SUMF1: variants seen among roughly 807,000 people sequenced by gnomAD.
SUMF1 encodes the protein sulfatase modifying factor 1.
A neutral mutation model predicts 47.6 loss-of-function variants in SUMF1; 48 were observed. That is an observed-to-expected ratio of 1.01 (90% CI 0.80 to 1.28). The LOEUF (loss-of-function observed/expected upper bound fraction) is 1.28, where lower values mean the gene tolerates loss of function less well. SUMF1 is among the 50% of genes most tolerant of loss of function. The pLI is 0.00. For synonymous variants in SUMF1, 230 were observed against 192.1 expected (o/e 1.20, Z -1.63); for missense variants, 571 against 485.4 (o/e 1.18, Z -1.66).
intron 1 of SUMF1, among the ~76,000 whole-genome samples, chr3:4,456,805 T>TATATATAC (rs2079639553): frequency 6.9e-6 from 1 of 145,138 alleles, no homozygotes; most frequent in Non-Finnish European, 1.5e-5. Context: ...TATACGTGTA[T>TATATATAC]ATATATACGT....
Position 4,095,077 on chromosome 3 carries a change from T to C in SUMF1, c.1015-26332A>G, listed in dbSNP as rs895633366. 3.3e-5 allele frequency among the ~76,000 whole-genome samples: 5 copies of C among 152,122 alleles called. 1 individual carries two copies. Among genetic ancestry groups the C allele is most frequent in the East Asian group, 3.8e-4 (2 of 5,202 alleles). Reference sequence around the variant, plus strand: ...GCATTTCTAAATAGAAATAGGATAATTGCTGTGTCACCTACAGTGTAATAT... The same window carrying C: ...GCATTTCTAAATAGAAATAGGATAACTGCTGTGTCACCTACAGTGTAATAT... On this transcript the variant is annotated intron_variant and NMD_transcript_variant, in intron 8 of 12. Coordinates refer to the SUMF1 transcript ENST00000448413.
downstream of SUMF1, among the ~76,000 whole-genome samples, chr3:4,358,067 G>A (rs1200629256): frequency 6.6e-6 from 1 of 152,072 alleles, no homozygotes; most frequent in Non-Finnish European, 1.5e-5. Flanking sequence ...TAAGCTGTAG[G>A]TTGAACCATG....
chr3:4,042,317 G>GT (rs1026221927), intron 9 of SUMF1, among the ~76,000 whole-genome samples: 3 of 151,592 alleles, frequency 2.0e-5, no homozygotes, highest in East Asian at 1.9e-4. Context: ...AGTCACTAAA[G>GT]TTTTTTTTTG....
chr3:4,378,472 T>G (rs1317600477), intron 7 of SUMF1, among the ~76,000 whole-genome samples: 4 of 152,238 alleles, frequency 2.6e-5, no homozygotes, highest in Admixed American at 2.6e-4. Flanking sequence ...CTCCTTCAAC[T>G]GCAGGGCTAC....
intron 8 of SUMF1, among the ~76,000 whole-genome samples, chr3:4,126,180 T>C (rs74989164): frequency 0.042 from 6,398 of 151,560 alleles, 184 homozygotes; most frequent in Non-Finnish European, 0.064. Context: ...CTAACAATAG[T>C]CTAGCCAATT....
At chr3:4,369,498 T>C (rs1187793689) in intron 8 of SUMF1, among the ~76,000 whole-genome samples, 1 of 152,134 alleles carries the variant, frequency 6.6e-6, no homozygotes, top group Non-Finnish European at 1.5e-5. Context: ...CAGGGCCCCA[T>C]GCAGCCAAGC....
intron 8 of SUMF1, among the ~76,000 whole-genome samples, chr3:4,142,126 T>C (rs1694085157): frequency 6.6e-6 from 1 of 152,190 alleles, no homozygotes; most frequent in African/African-American, 2.4e-5. Flanking sequence ...AATGTGGTTG[T>C]TTCTCTTAAT....
chr3:4,109,638 T>C (rs1693245305), intron 8 of SUMF1, among the ~76,000 whole-genome samples: 1 of 152,110 alleles, frequency 6.6e-6, no homozygotes, highest in Non-Finnish European at 1.5e-5. Flanking sequence ...TTATTCTTTT[T>C]TCTCTAAACT....
chr3:4,200,237 G>A (rs745587960), intron 8 of SUMF1, among the ~76,000 whole-genome samples: 11 of 149,056 alleles, frequency 7.4e-5, no homozygotes, highest in East Asian at 2.0e-4. Flanking sequence ...TCAACTTGAC[G>A]GGATTAAGGG....
chr3:4,427,633 CAG>C (rs1352482805), intron 3 of SUMF1, among the ~76,000 whole-genome samples: 1 of 152,136 alleles, frequency 6.6e-6, no homozygotes, highest in Non-Finnish European at 1.5e-5. Context: ...CTTTTTCAAA[CAG>C]GGTAAAAATA....
At chr3:4,078,360 A>G (rs1365448260) in intron 8 of SUMF1, among the ~76,000 whole-genome samples, 1 of 152,110 alleles carries the variant, frequency 6.6e-6, no homozygotes. Flanking sequence ...GTATCATCCC[A>G]GTTCCAAATG....
At chr3:4,447,457 C>G (rs1423847480) in intron 3 of SUMF1, among the ~76,000 whole-genome samples, 9 of 152,066 alleles carry the variant, frequency 5.9e-5, no homozygotes, top group Non-Finnish European at 1.3e-4. Context: ...AGTGCTTTCT[C>G]ACTATGTGAT....
intron 8 of SUMF1, among the ~76,000 whole-genome samples, chr3:4,211,901 C>T (rs1294069699): frequency 6.6e-6 from 1 of 152,102 alleles, no homozygotes; most frequent in Non-Finnish European, 1.5e-5. Context: ...CTGGGCAGGG[C>T]ATCTCTGAAA....
chr3:4,085,063 T>A (rs910196311), intron 8 of SUMF1, among the ~76,000 whole-genome samples: 2 of 152,066 alleles, frequency 1.3e-5, no homozygotes, highest in Non-Finnish European at 2.9e-5. Flanking sequence ...CCATCCTATA[T>A]TACAGACTCA....
chr3:4,225,322 C>T (rs1199931390), intron 8 of SUMF1, among the ~76,000 whole-genome samples: 3 of 152,096 alleles, frequency 2.0e-5, no homozygotes, highest in Non-Finnish European at 4.4e-5. Flanking sequence ...CAAGTTAATA[C>T]ACACCTTTTC....
At chr3:4,248,319 A>G (rs1275982464) in intron 8 of SUMF1, among the ~76,000 whole-genome samples, 4 of 152,200 alleles carry the variant, frequency 2.6e-5, no homozygotes, top group African/African-American at 9.6e-5. Context: ...AGAACCACAC[A>G]CTTAAGGAGG....
At chr3:4,062,088 C>T (rs1487320930) in intron 9 of SUMF1, among the ~76,000 whole-genome samples, 3 of 152,086 alleles carry the variant, frequency 2.0e-5, no homozygotes, top group Non-Finnish European at 2.9e-5. Context: ...TCATAGCACC[C>T]TTACCACAGA....
At chr3:4,337,690 G>C (rs308731) in intron 8 of SUMF1, among the ~76,000 whole-genome samples, 89,710 of 151,988 alleles carry the variant, frequency 0.59, 26,666 homozygotes, top group South Asian at 0.7. Context: ...ACAGAAAAGT[G>C]CTTTCAAACA....
chr3:4,173,454 T>A (rs1694877948), intron 8 of SUMF1, among the ~76,000 whole-genome samples: 2 of 152,142 alleles, frequency 1.3e-5, no homozygotes, highest in South Asian at 4.1e-4. Context: ...AGTTCAACCA[T>A]TGTGGAAGAC....
Sources: gnomAD v4.1 joint callset for allele counts (sites outside exome capture counted in the v4.1 genomes callset) on GRCh38, gnomAD v4.1.1 for gene constraint, MANE v1.5 for transcripts, NCBI Gene and HGNC (gene_info 2026-07-23, HGNC 2026-07-21) for gene names.